SPACA7: variants seen among roughly 807,000 people sequenced by gnomAD.
SPACA7 encodes sperm acrosome associated 7.
Under a neutral mutation model 26.3 loss-of-function variants are expected in SPACA7, and 19 were observed. The observed-to-expected ratio is 0.72, with a 90% CI of 0.50 to 1.06. SPACA7 has a LOEUF of 1.06. Among genes scored for constraint, SPACA7 ranks in the 50% least tolerant of loss-of-function variants. The probability of loss-of-function intolerance (pLI) is 0.00; values close to 1 mark genes in which losing one functional copy is unlikely to be tolerated. For missense variants in SPACA7, 211 were observed against 229.9 expected, an observed-to-expected ratio of 0.92 and a Z score of 0.53; for synonymous variants, 84 against 84.5, an observed-to-expected ratio of 0.99 and a Z score of 0.04.
At chr13:112,388,625 A>C (rs527640948) in intron 1 of SPACA7, among the ~76,000 whole-genome samples, 8 of 152,314 alleles carry the variant, frequency 5.3e-5, no homozygotes, top group African/African-American at 1.4e-4. Context: ...CAAGCCCCCA[A>C]ATTTGTAACC....
chr13:112,382,642 T>A (rs1884155166), intron 1 of SPACA7: 1 of 1,197,316 alleles, frequency 8.4e-7, no homozygotes, highest in Non-Finnish European at 1.1e-6. Context: ...AACAGCATAC[T>A]ATAGGTAAAT....
chr13:112,387,881 G>A (rs1030311796), intron 1 of SPACA7, among the ~76,000 whole-genome samples: 4 of 152,254 alleles, frequency 2.6e-5, no homozygotes, highest in East Asian at 3.9e-4. Flanking sequence ...TGGTCACCTC[G>A]TTCAGCACCC....
At chr13:112,379,245 C>A (rs117033617) in intron 1 of SPACA7, among the ~76,000 whole-genome samples, 12 of 152,304 alleles carry the variant, frequency 7.9e-5, no homozygotes, top group Non-Finnish European at 1.8e-4. Flanking sequence ...ATAGTGCAAT[C>A]TTAGAGGCGT....
At chr13:112,407,530 G>C (rs1425136020) in intron 5 of SPACA7, among the ~76,000 whole-genome samples, 2 of 152,118 alleles carry the variant, frequency 1.3e-5, no homozygotes, top group Admixed American at 6.5e-5. Context: ...AAATGGTAAA[G>C]GGGATATCAC....
intron 5 of SPACA7, among the ~76,000 whole-genome samples, chr13:112,407,330 A>C (rs1886049790): frequency 6.6e-6 from 1 of 152,236 alleles, no homozygotes. Flanking sequence ...GAGCAAACAC[A>C]TTCAAAAGCT....
At chr13:112,419,892 A>C (rs1886909046) in intron 5 of SPACA7, among the ~76,000 whole-genome samples, 1 of 152,248 alleles carries the variant, frequency 6.6e-6, no homozygotes, top group Non-Finnish European at 1.5e-5. Flanking sequence ...TCTGCCGTGC[A>C]GGTGTTCAGG....
At chr13:112,414,314 TTA>T (rs1264716412) in intron 5 of SPACA7, among the ~76,000 whole-genome samples, 1 of 151,492 alleles carries the variant, frequency 6.6e-6, no homozygotes, top group Non-Finnish European at 1.5e-5. Flanking sequence ...CCAGGATTTA[TTA>T]TTGTTATTAT....
At position 112,418,131 on chromosome 13, in the gene SPACA7, T is replaced by C. The variant is rs569261020; in HGVS notation, c.446-14313T>C. Among the ~76,000 whole-genome samples, 38 of 152,312 alleles carry C rather than the reference T, an allele frequency of 2.5e-4. No individual in the cohort carries two copies. In the South Asian group the frequency reaches 7.2e-3, roughly 29 times the overall value. ...TTGCCAACGTTGAAAACTATATAAG[T>C]TGAAAATCTTTAGAAATTCTAGATA... On this transcript the variant is annotated intron_variant, in intron 5 of 6. Coordinates refer to ENST00000283550, the MANE Select transcript of SPACA7 (RefSeq NM_145248.5).
chr13:112,404,978 C>CTTTTTTTTTTTTTT (rs373253878), intron 5 of SPACA7, among the ~76,000 whole-genome samples: 2 of 94,258 alleles, frequency 2.1e-5, no homozygotes, highest in African/African-American at 4.4e-5. Context: ...GTATTCTCTT[C>CTTTTTTTTTTTTTT]TTTTTTTTTT....
chr13:112,425,424 C>T (rs1384903736), intron 5 of SPACA7, among the ~76,000 whole-genome samples: 2 of 152,240 alleles, frequency 1.3e-5, no homozygotes, highest in African/African-American at 4.8e-5. Context: ...ATGGCTTCCC[C>T]TCAGCTCGGC....
chr13:112,415,066 T>C (rs1254549858), intron 5 of SPACA7, among the ~76,000 whole-genome samples: 1 of 152,174 alleles, frequency 6.6e-6, no homozygotes, highest in Non-Finnish European at 1.5e-5. Context: ...ACTGCAAATC[T>C]CTTGCAACCT....
Position 112,409,893 on chromosome 13 carries a change from G to T in SPACA7, c.445+8729G>T, listed in dbSNP as rs534672700. On this transcript the variant is annotated intron_variant, in intron 5 of 6. Transcript: ENST00000283550. Reference sequence around the variant, plus strand: ...ATATACCCAAAGGATTGTAAATCATGCTGCTATAAAGATGCATGCACACGT... The same window carrying T: ...ATATACCCAAAGGATTGTAAATCATTCTGCTATAAAGATGCATGCACACGT... 9.9e-5 allele frequency among the ~76,000 whole-genome samples: 15 copies of T among 152,256 alleles called. 2 individuals are homozygous for T. The South Asian group carries it at 3.1e-3, about 32-fold the overall frequency.
Position 112,434,621 on chromosome 13 carries a change from G to C in SPACA7, c.*72G>C. 1 of 1,295,192 alleles carries C rather than the reference G, an allele frequency of 7.7e-7. No individual in the cohort carries two copies. The highest frequency in any genetic ancestry group is 1.3e-5 in the South Asian group (1 of 79,186). The allele number at this position is 1,295,192 out of a possible 1,614,324, so 80.2% of individuals were successfully genotyped here. A position where few individuals can be genotyped will look rare whatever the true frequency, so the allele number is the denominator to read the frequency against. ...CCCCACCCACCAGCCTCCGGAACAG[G>C]GCACTTGTGTGCACACGCCCACGTT... On this transcript the variant is annotated 3_prime_UTR_variant, in exon 7 of 7. Coordinates refer to ENST00000283550, the MANE Select transcript of SPACA7 (RefSeq NM_145248.5).
chr13:112,405,696 T>G (rs1885944456), intron 5 of SPACA7, among the ~76,000 whole-genome samples: 1 of 152,222 alleles, frequency 6.6e-6, no homozygotes, highest in African/African-American at 2.4e-5. Context: ...TTGATTATGT[T>G]GTTTAAGTCT....
chr13:112,385,975 A>C (rs1425654292), intron 1 of SPACA7, among the ~76,000 whole-genome samples: 1 of 152,196 alleles, frequency 6.6e-6, no homozygotes, highest in Non-Finnish European at 1.5e-5. Flanking sequence ...GGAAAGCATG[A>C]AACTTCTAGG....
chr13:112,397,386 C>T (rs1202432405), intron 2 of SPACA7, among the ~76,000 whole-genome samples: 3 of 152,220 alleles, frequency 2.0e-5, no homozygotes, highest in African/African-American at 7.2e-5. Flanking sequence ...GCCACAACAC[C>T]TGGCCATGGC....
intron 1 of SPACA7, among the ~76,000 whole-genome samples, chr13:112,390,663 A>G (rs1884829249): frequency 6.6e-6 from 1 of 152,220 alleles, no homozygotes; most frequent in Non-Finnish European, 1.5e-5. Flanking sequence ...TACATCTTAC[A>G]TGGCCAGCAG....
chr13:112,428,018 T>C (rs570901892), intron 5 of SPACA7, among the ~76,000 whole-genome samples: 20 of 152,198 alleles, frequency 1.3e-4, no homozygotes, highest in Admixed American at 5.9e-4. Context: ...TTTTTAATTA[T>C]AGTGATTTCT....
At position 112,400,985 on chromosome 13, in the gene SPACA7, T is replaced by A. The variant is rs893604687; in HGVS notation, c.350-84T>A. 1.4e-5 allele frequency: 14 copies of A among 985,468 alleles called. No individual in the cohort carries two copies. In the African/African-American group the frequency reaches 1.9e-4, roughly 14 times the overall value. 61.0% of individuals were successfully genotyped at this position (985,468 alleles called of 1,614,324 possible). ...ATGATATTAGCATCTCAACTTAGCA[T>A]GTTTAAATAAATAAATGACCAAAGT... On this transcript the variant is annotated intron_variant, in intron 4 of 6. Transcript: ENST00000283550.
Sources: allele counts gnomAD v4.1 joint callset (sites outside exome capture counted in the v4.1 genomes callset), GRCh38; gene constraint gnomAD v4.1.1; transcripts MANE v1.5; gene names NCBI Gene and HGNC (gene_info 2026-07-23, HGNC 2026-07-21).